The following LIN28B variants were observed in gnomAD, a reference collection of about 807,000 sequenced individuals.
LIN28B encodes the protein lin-28 RNA binding posttranscriptional regulator B.
In LIN28B, 5 loss-of-function variants were observed where a neutral mutation model predicts 21.9. The observed-to-expected ratio is 0.23, with a 90% CI of 0.12 to 0.48. The LOEUF is 0.48. Among genes scored for constraint, LIN28B ranks in the 20% least tolerant of loss-of-function variants. LIN28B has a pLI of 0.98. For missense variants in LIN28B, 245 were observed against 310.5 expected (o/e 0.79, Z 1.58); for synonymous variants, 109 against 111.3 (o/e 0.98, Z 0.13).
chr6:104,975,217 G>T (rs1242812849), intron 2 of LIN28B, among the ~76,000 whole-genome samples: 1 of 152,042 alleles, frequency 6.6e-6, no homozygotes, highest in Admixed American at 6.5e-5. Context: ...TGATCATTCT[G>T]TCGAAAGATA....
chr6:105,057,744 A>G (rs185749711), intron 3 of LIN28B, among the ~76,000 whole-genome samples: 10 of 152,208 alleles, frequency 6.6e-5, no homozygotes, highest in Admixed American at 5.2e-4. Flanking sequence ...TTTTTTCTAT[A>G]TATTATGGTT....
rs147678956 is a variant in LIN28B, at chr6:105,012,335, G to T, written c.199-13963G>T. Among the ~76,000 whole-genome samples, 426 of 151,936 alleles carry T rather than the reference G, an allele frequency of 2.8e-3. 3 individuals carry two copies. The highest frequency in any genetic ancestry group is 0.017 in the Middle Eastern group (5 of 294). ...AATACGAAAATTAGCTGGGCATGGTGGCGGGTGCCTGTAATCCCAGCTACT... is the reference window on the plus strand; with the variant it reads ...AATACGAAAATTAGCTGGGCATGGTTGCGGGTGCCTGTAATCCCAGCTACT... On this transcript the variant is annotated intron_variant, in intron 2 of 3. Coordinates refer to ENST00000345080, the MANE Select transcript of LIN28B (RefSeq NM_001004317.4).
At chr6:104,955,549 T>C (rs1049463553), upstream of LIN28B, among the ~76,000 whole-genome samples, 3 of 152,144 alleles carry the variant, frequency 2.0e-5, no homozygotes, top group African/African-American at 7.2e-5. Flanking sequence ...TTGTTTAATA[T>C]GGGGAGGGAG....
intron 2 of LIN28B, among the ~76,000 whole-genome samples, chr6:105,011,146 C>T (rs1770914692): frequency 6.6e-6 from 1 of 152,136 alleles, no homozygotes; most frequent in African/African-American, 2.4e-5. Context: ...AGTATGCTTA[C>T]TGCCCATTAC....
chr6:105,066,348 A>G (rs1198201021), intron 3 of LIN28B, among the ~76,000 whole-genome samples: 6 of 152,220 alleles, frequency 3.9e-5, no homozygotes, highest in African/African-American at 1.4e-4. Flanking sequence ...GTCATAGGTA[A>G]CTTCAAAGCT....
chr6:105,048,729 G>T (rs946117063), intron 3 of LIN28B, among the ~76,000 whole-genome samples: 5 of 151,998 alleles, frequency 3.3e-5, no homozygotes, highest in Non-Finnish European at 7.4e-5. Flanking sequence ...TCAACTTCTT[G>T]CTGGTTTAGT....
intron 2 of LIN28B, among the ~76,000 whole-genome samples, chr6:105,006,674 A>T (rs944694334): frequency 1.1e-4 from 17 of 152,148 alleles, no homozygotes; most frequent in Non-Finnish European, 2.5e-4. Flanking sequence ...TAAAGGTTTT[A>T]TCTCTCTTGC....
chr6:105,006,443 C>A (rs2114300178), intron 2 of LIN28B, among the ~76,000 whole-genome samples: 1 of 152,238 alleles, frequency 6.6e-6, no homozygotes, highest in East Asian at 1.9e-4. Flanking sequence ...TCCTGAGTAG[C>A]TGGGACTACA....
At chr6:105,070,420 A>T (rs915063685) in intron 3 of LIN28B, among the ~76,000 whole-genome samples, 26 of 152,148 alleles carry the variant, frequency 1.7e-4, no homozygotes, top group Non-Finnish European at 3.4e-4. Flanking sequence ...TTGTTATTTA[A>T]AAAAGAAACT....
At chr6:105,035,759 A>G (rs1014925598) in intron 3 of LIN28B, among the ~76,000 whole-genome samples, 2 of 152,210 alleles carry the variant, frequency 1.3e-5, no homozygotes, top group African/African-American at 4.8e-5. Flanking sequence ...GGAAATGTAA[A>G]AATAGTTTGT....
chr6:104,942,423 G>A (rs999825385), intron 2 of LIN28B, among the ~76,000 whole-genome samples: 1 of 152,066 alleles, frequency 6.6e-6, no homozygotes, highest in Non-Finnish European at 1.5e-5. Context: ...AAACATCACA[G>A]TTTTATGAAA....
At chr6:105,069,742 T>C (rs1402254542) in intron 3 of LIN28B, among the ~76,000 whole-genome samples, 2 of 151,544 alleles carry the variant, frequency 1.3e-5, no homozygotes, top group Non-Finnish European at 2.9e-5. Flanking sequence ...CAAGTATACA[T>C]TGAACCTGTT....
chr6:104,950,408 A>C lies in LIN28B; in HGVS notation c.19-53A>C, dbSNP rs1778207507. 11 of 933,990 alleles carry C rather than the reference A, an allele frequency of 1.2e-5. No homozygotes were observed. In the South Asian group the frequency reaches 5.4e-4, roughly 46 times the overall value. The allele number at this position is 933,990 out of a possible 1,614,324, so 57.9% of individuals were successfully genotyped here. On this transcript the variant is annotated intron_variant, in intron 2 of 5. Transcript: ENST00000635857. ...TCTAATGGCCATTAGGATGAAGAAGAGGCAATTAAATAGGCAATTAATGTA... is the reference window on the plus strand; with the variant it reads ...TCTAATGGCCATTAGGATGAAGAAGCGGCAATTAAATAGGCAATTAATGTA...
rs1033680284 is a variant in LIN28B at position 105,081,104 on chromosome 6, A to G, written c.*2321A>G. On this transcript the variant is annotated 3_prime_UTR_variant, in exon 4 of 4. Transcript: ENST00000345080. ...TATATGAGAATATTATCACTATTAC[A>G]TAACATACTCAGGACAAAGAACTTT... 3 of 152,630 alleles carry G rather than the reference A, an allele frequency of 2.0e-5. No individual in the cohort carries two copies. Among genetic ancestry groups the G allele is most frequent in the African/African-American group, 7.2e-5 (3 of 41,450 alleles). The allele number at this position is 152,630 out of a possible 1,614,324, so 9.5% of individuals were successfully genotyped here.
At position 105,063,650 on chromosome 6, in the gene LIN28B, A is replaced by G. The variant is rs1440481605; in HGVS notation, c.384-14764A>G. Among the ~76,000 whole-genome samples the G allele has an allele frequency of 1.0e-3, 151 of 145,890 alleles. 1 individual carries two copies. Among genetic ancestry groups the G allele is most frequent in the South Asian group, 1.3e-3 (6 of 4,602 alleles). ...GACTCCATCTCGGGGGGGGGGGGGA[A>G]AAAAAGGTAAAGTAAAGGATAATAA... On this transcript the variant is annotated intron_variant, in intron 3 of 3. Transcript: ENST00000345080.
chr6:104,959,646 T>TA (rs1337169345), intron 2 of LIN28B, among the ~76,000 whole-genome samples: 13 of 152,226 alleles, frequency 8.5e-5, no homozygotes, highest in African/African-American at 7.2e-5. Context: ...AGTACACAAA[T>TA]ACAAGTCCAC....
At chr6:105,046,102 G>A (rs1771754462) in intron 3 of LIN28B, among the ~76,000 whole-genome samples, 1 of 151,970 alleles carries the variant, frequency 6.6e-6, no homozygotes, top group South Asian at 2.1e-4. Flanking sequence ...GCGCCATGTT[G>A]GTGTGCTGCA....
chr6:104,950,590 C>A, intron 3 of LIN28B: 1 of 764,028 alleles, frequency 1.3e-6, no homozygotes, highest in Non-Finnish European at 1.8e-6. Context: ...ATATGAGAAC[C>A]TGACAGCCCT....
intron 2 of LIN28B, among the ~76,000 whole-genome samples, chr6:104,996,780 A>G (rs1770614503): frequency 6.6e-6 from 1 of 152,180 alleles, no homozygotes; most frequent in African/African-American, 2.4e-5. Context: ...TGAACATTTT[A>G]CCTTGCCTAT....
Sources: gnomAD v4.1 joint callset for allele counts (sites outside exome capture counted in the v4.1 genomes callset) on GRCh38, gnomAD v4.1.1 for gene constraint, MANE v1.5 for transcripts, NCBI Gene and HGNC (gene_info 2026-07-23, HGNC 2026-07-21) for gene names.